ARX: variants seen among roughly 807,000 people sequenced by gnomAD.
The protein encoded by ARX is aristaless related homeobox.
In ARX, 1 loss-of-function variant was observed where a neutral mutation model predicts 23.1. The ratio of observed to expected loss-of-function variants is 0.04; its 90% CI spans 0.02 to 0.21. The LOEUF (loss-of-function observed/expected upper bound fraction) is 0.21. ARX is among the 10% of genes least tolerant of loss of function. The probability of loss-of-function intolerance (pLI) is 1.00; values close to 1 mark genes in which losing one functional copy is unlikely to be tolerated. For missense variants in ARX, 380 were observed against 527.5 expected (o/e 0.72, Z 2.74); for synonymous variants, 301 against 270.1 (o/e 1.11, Z -1.12).
Position 25,007,241 on chromosome X carries a change from C to T in ARX, c.1318G>A (p.Ala440Thr). Residue 440 changes from alanine to threonine, a missense_variant, in exon 4 of 5, where the codon GCC becomes ACC. This residue lies in a region of ARX where 121 missense variants were observed against 169.7 expected (regional missense o/e 0.71). Coordinates refer to ENST00000379044, the MANE Select transcript of ARX (RefSeq NM_139058.3). ...WTAAAAAAAAAFPSLPPPPGS... is the reference protein window; with the variant it reads ...WTAAAAAAAATFPSLPPPPGS... The stretch of plus-strand genomic sequence containing the variant: ...GGAGGCGGAGGTAGGCTCGGGAAGG[C>T]GGCGGCGGCGGCGGCGGCAGCGGCA... The T allele has an allele frequency of 2.8e-6, 3 of 1,076,115 alleles. No individual in the cohort carries two copies. The highest frequency in any genetic ancestry group is 3.6e-5 in the East Asian group (1 of 27,662). The allele number at this position is 1,076,115 out of a possible 1,213,427, so 88.7% of individuals were successfully genotyped here.
chrX:25,011,439 C>T (rs1057482714), intron 2 of ARX, among the ~76,000 whole-genome samples: 1 of 113,139 alleles, frequency 8.8e-6, no homozygotes, highest in African/African-American at 3.2e-5. Flanking sequence ...CTAAGCCCGC[C>T]AGAAGCTAAG....
chrX:25,007,119 T>G lies in ARX; in HGVS notation c.1440A>C (p.Ala480=). ...CCGAGGCTGCGCGTTACCTGCCGAA[T>G]GCCGGGCTGATGAAAGCTGGGTGTC... The part of the protein sequence containing the change: ...VFRHPAFISP[A]FGRLFSTMAP... The change falls in exon 4 of 5, where the codon GCA becomes GCC. Residue 480 remains alanine (A), a synonymous_variant. Transcript: ENST00000379044. The G allele has an allele frequency of 8.4e-7, 1 of 1,196,934 alleles. No homozygotes were observed. Among genetic ancestry groups the G allele is most frequent in the Non-Finnish European group, 1.1e-6 (1 of 888,603 alleles).
Position 25,004,864 on chromosome X carries a change from C to G in ARX, c.1495G>C (p.Ala499Pro), listed in dbSNP as rs2147318769. The change falls in exon 5 of 5, where the codon GCG (alanine) becomes CCG (proline). Residue 499 changes from alanine to proline, a missense_variant. Coordinates refer to ENST00000379044, the MANE Select transcript of ARX (RefSeq NM_139058.3). ...APLTSASTAA[A>P]LLRQPTPAVE... The stretch of plus-strand genomic sequence containing the variant: ...GCGGGTGTGGGCTGTCTCAGGAGCG[C>G]GGCCGCGGTCGACGCGCTGGTCAGG... The G allele has an allele frequency of 4.8e-5, 55 of 1,147,049 alleles. No homozygotes were observed. Among genetic ancestry groups the G allele is most frequent in the Non-Finnish European group, 6.1e-5 (53 of 866,268 alleles). The allele number at this position is 1,147,049 out of a possible 1,213,427, so 94.5% of individuals were successfully genotyped here.
Position 25,004,918 on chromosome X carries a change from G to C in ARX, c.1449-8C>G. 8.9e-7 allele frequency: 1 copy of C among 1,119,098 alleles called. No homozygotes were observed. Among genetic ancestry groups the C allele is most frequent in the East Asian group, 3.3e-5 (1 of 30,448 alleles). The allele number at this position is 1,119,098 out of a possible 1,213,427, so 92.2% of individuals were successfully genotyped here. A position where few individuals can be genotyped will look rare whatever the true frequency, so the allele number is the denominator to read the frequency against. The stretch of plus-strand genomic sequence containing the variant: ...GCCATTGTGGAAAAGAGCCTGCAGG[G>C]AGAGCAAACAGCGCGGTCATGGCCT... On this transcript the variant is annotated splice_polypyrimidine_tract_variant and splice_region_variant and intron_variant, in intron 4 of 4. Coordinates refer to ENST00000379044, the MANE Select transcript of ARX (RefSeq NM_139058.3).
chrX:25,005,145 G>C lies in ARX; in HGVS notation c.1449-235C>G, dbSNP rs748166032. Among the ~76,000 whole-genome samples the C allele has an allele frequency of 2.7e-5, 3 of 112,131 alleles. No individual in the cohort carries two copies. In the South Asian group the frequency reaches 1.1e-3, roughly 42 times the overall value. ...AAAAGACCGAGTCCAGATATTCCCC[G>C]AGGGGCCGGGCCGGGCCGGGGTCCA... On this transcript the variant is annotated intron_variant, in intron 4 of 4. Coordinates refer to ENST00000379044, the MANE Select transcript of ARX (RefSeq NM_139058.3).
At chrX:25,007,071 GAGAC>G (rs746696330) in intron 4 of ARX, 36 bp downstream of exon 4, 68 of 1,156,775 alleles carry the variant, frequency 5.9e-5, no homozygotes, top group South Asian at 1.7e-4. Context: ...GTGTGTATGA[GAGAC>G]AGACAGACAG....
At position 25,013,169 on chromosome X, in the gene ARX, C is replaced by G. The variant is rs1406403691; in HGVS notation, c.826G>C (p.Ala276Pro). The change falls in exon 2 of 5, where the codon GCA becomes CCA. Residue 276 changes from alanine (A) to proline (P), a missense_variant. By Grantham distance (27) the Ala-to-Pro change is conservative (BLOSUM62 -1). Around this residue, in one of 3 missense-constraint regions of ARX, gnomAD observed 235 missense variants for 270.2 expected, o/e 0.87. Coordinates refer to ENST00000379044, the MANE Select transcript of ARX (RefSeq NM_139058.3). ...GTGGCCACTGCAGCGGCAGCTGCTG[C>G]GGCCACGGCGCCAGTGGCGGCCACA... is the stretch of plus-strand genomic sequence containing the variant. ...CPVAATGAVA[A>P]AAAAAVATEG... The G allele has an allele frequency of 4.2e-6, 5 of 1,191,131 alleles. No homozygotes were observed. The highest frequency in any genetic ancestry group is 5.6e-6 in the Non-Finnish European group (5 of 886,464).
At chrX:25,009,904 T>C (rs1470380474) in intron 3 of ARX, among the ~76,000 whole-genome samples, 1 of 110,644 alleles carries the variant, frequency 9.0e-6, no homozygotes, top group Non-Finnish European at 1.9e-5. Flanking sequence ...ACCAAATCCA[T>C]GCTCCATCCC....
chrX:25,013,473 C>A lies in ARX; in HGVS notation c.522G>T (p.Ser174=), dbSNP rs2048711689. The change falls in exon 2 of 5, where the codon TCG becomes TCT. Residue 174 remains serine, a synonymous_variant. Transcript: ENST00000379044. The part of the protein sequence containing the change: ...APQVSISRSK[S]YRENGAPFVP... ...CGAAGGGCGCCCCGTTCTCGCGGTA[C>A]GACTTGCTGCGGCTGATGCTCACCT... 6 of 917,167 alleles carry A rather than the reference C, an allele frequency of 6.5e-6. No homozygotes were observed. Among genetic ancestry groups the A allele is most frequent in the Middle Eastern group, 4.7e-4 (1 of 2,142 alleles). The allele number at this position is 917,167 out of a possible 1,213,427, so 75.6% of individuals were successfully genotyped here. A position where few individuals can be genotyped will look rare whatever the true frequency, so the allele number is the denominator to read the frequency against.
chrX:25,004,481 C>T lies in ARX; in HGVS notation c.*189G>A. 1.3e-6 allele frequency: 1 copy of T among 758,587 alleles called. No individual in the cohort carries two copies. Among genetic ancestry groups the T allele is most frequent in the Non-Finnish European group, 1.9e-6 (1 of 533,827 alleles). The allele number at this position is 758,587 out of a possible 1,213,427, so 62.5% of individuals were successfully genotyped here. On this transcript the variant is annotated 3_prime_UTR_variant, in exon 5 of 5. Coordinates refer to ENST00000379044, the MANE Select transcript of ARX (RefSeq NM_139058.3). ...GGGGCAGGGGCGGGTGGACAGCCAG[C>T]CGAGGAGGTGCCACGTCCCGGAGCG...
intron 4 of ARX, chrX:25,005,983 G>C (rs922488193): frequency 1.8e-5 from 2 of 111,588 alleles, no homozygotes; most frequent in African/African-American, 6.5e-5. Flanking sequence ...GGCTCACCGA[G>C]CGCCGCCTCC....
At chrX:25,006,454 T>G (rs2048678420) in intron 4 of ARX, 1 of 112,967 alleles carries the variant, frequency 8.9e-6, no homozygotes, top group Non-Finnish European at 1.9e-5. Context: ...TGTTTCTTTG[T>G]CTGTGTGATT....
intron 3 of ARX, among the ~76,000 whole-genome samples, chrX:25,008,618 T>C (rs1036955245): frequency 8.9e-6 from 1 of 112,238 alleles, no homozygotes; most frequent in Non-Finnish European, 1.9e-5. Context: ...GCATTAATAT[T>C]TTTAGGGCTG....
chrX:25,004,541 G>A lies in ARX; in HGVS notation c.*129C>T. On this transcript the variant is annotated 3_prime_UTR_variant, in exon 5 of 5. Coordinates refer to ENST00000379044, the MANE Select transcript of ARX (RefSeq NM_139058.3). ...GCCATGCCCGCATCCAGACTGCTGT[G>A]AAGGCGGCTGCGCTCTCTCAGTGCC... is the stretch of plus-strand genomic sequence containing the variant. 2 of 1,089,667 alleles carry A rather than the reference G, an allele frequency of 1.8e-6. No individual in the cohort carries two copies. Among genetic ancestry groups the A allele is most frequent in the Non-Finnish European group, 2.4e-6 (2 of 816,881 alleles). 89.8% of individuals were successfully genotyped at this position (1,089,667 alleles called of 1,213,427 possible).
Position 25,013,693 on chromosome X carries a change from G to A in ARX, c.302C>T (p.Ala101Val). The A allele has an allele frequency of 1.1e-6, 1 of 886,510 alleles. No individual in the cohort carries two copies. Among genetic ancestry groups the A allele is most frequent in the Non-Finnish European group, 1.4e-6 (1 of 724,767 alleles). The allele number at this position is 886,510 out of a possible 1,213,427, so 73.1% of individuals were successfully genotyped here. A position where few individuals can be genotyped will look rare whatever the true frequency, so the allele number is the denominator to read the frequency against. ...CGCCGCCGCCGCCGCCGCCGCCGCT[G>A]CCGCACCCTGAAGGAGGCGGCCCCC... ...PGGGRLLQGA[A>V]AAAAAAAAAA... Residue 101 changes from alanine to valine, a missense_variant, in exon 2 of 5, where the codon GCA becomes GTA. This residue lies in a region of ARX where 235 missense variants were observed against 270.2 expected (regional missense o/e 0.87). Coordinates refer to ENST00000379044, the MANE Select transcript of ARX (RefSeq NM_139058.3).
chrX:25,007,254 G>GGCGGCA lies in ARX; in HGVS notation c.1299_1304dup (p.Ala439_Ala440dup), dbSNP rs1064794482. The GGCGGCA allele has an allele frequency of 4.5e-6, 5 of 1,115,622 alleles. No individual in the cohort carries two copies. Among genetic ancestry groups the GGCGGCA allele is most frequent in the South Asian group, 2.2e-5 (1 of 45,529 alleles). The allele number at this position is 1,115,622 out of a possible 1,213,427, so 91.9% of individuals were successfully genotyped here. A position where few individuals can be genotyped will look rare whatever the true frequency, so the allele number is the denominator to read the frequency against. On this transcript the variant is annotated inframe_insertion, in exon 4 of 5. Transcript: ENST00000379044. Reference sequence around the variant, plus strand: ...GGCTCGGGAAGGCGGCGGCGGCGGCGGCGGCAGCGGCAGTCCAAGCGGAGT... The same window carrying GGCGGCA: ...GGCTCGGGAAGGCGGCGGCGGCGGCGGCGGCAGCGGCAGCGGCAGTCCAAGCGGAGT...
intron 4 of ARX, among the ~76,000 whole-genome samples, chrX:25,006,163 C>T (rs1431462803): frequency 8.9e-6 from 1 of 112,421 alleles, no homozygotes; most frequent in Non-Finnish European, 1.9e-5. Flanking sequence ...AGATTTTTCT[C>T]AGAAAGAAAT....
rs1248003001 is a variant in ARX at position 25,015,951 on chromosome X, G to A, written c.-214C>T. The A allele has an allele frequency of 4.9e-5, 22 of 448,292 alleles. No homozygotes were observed. The highest frequency in any genetic ancestry group is 8.2e-5 in the Non-Finnish European group (21 of 255,179). The allele number at this position is 448,292 out of a possible 1,213,427, so 36.9% of individuals were successfully genotyped here. A position where few individuals can be genotyped will look rare whatever the true frequency, so the allele number is the denominator to read the frequency against. ...CGCCCTCTCCGCGCTCAGGACAAGC[G>A]GTAACAAGTGTAGTGAGCAGCGGGC... On this transcript the variant is annotated 5_prime_UTR_variant, in exon 1 of 5. Transcript: ENST00000379044.
rs781348930 is a variant in ARX, at chrX:25,007,188, C to A, written c.1371G>T (p.Gly457=). The A allele has an allele frequency of 8.4e-7, 1 of 1,187,551 alleles. No homozygotes were observed. The highest frequency in any genetic ancestry group is 2.3e-5 in the Admixed American group (1 of 44,254). The part of the protein sequence containing the change: ...PPGSASLPPS[G]APLGLSTFLG... ...GGAAAGTGCTCAGGCCCAGCGGCGCCCCGCTGGGCGGCAGGCTGGCCGAGC... is the reference window on the plus strand; with the variant it reads ...GGAAAGTGCTCAGGCCCAGCGGCGCACCGCTGGGCGGCAGGCTGGCCGAGC... Residue 457 remains glycine, a synonymous_variant, in exon 4 of 5, where the codon GGG becomes GGT. Coordinates refer to ENST00000379044, the MANE Select transcript of ARX (RefSeq NM_139058.3).
Sources: gnomAD v4.1 joint callset for allele counts (sites outside exome capture counted in the v4.1 genomes callset) on GRCh38, gnomAD v4.1.1 for gene constraint, gnomAD v4.1.1 regional missense constraint, MANE v1.5 for transcripts, NCBI Gene and HGNC (gene_info 2026-07-23, HGNC 2026-07-21) for gene names.